MTUS1: variants seen among roughly 807,000 people sequenced by gnomAD.
The protein encoded by MTUS1 is microtubule-associated tumor suppressor 1.
A neutral mutation model predicts 120.8 loss-of-function variants in MTUS1; 109 were observed. The ratio of observed to expected loss-of-function variants is 0.90; its 90% CI spans 0.77 to 1.06. The LOEUF (loss-of-function observed/expected upper bound fraction) is 1.06. Ranked by LOEUF, MTUS1 falls within the 50% of genes least tolerant of loss-of-function variation. MTUS1 has a pLI of 0.00. For missense variants in MTUS1, 2,210 were observed against 1,486.3 expected, an observed-to-expected ratio of 1.49 and a Z score of -8.01; for synonymous variants, 737 against 550.5, an observed-to-expected ratio of 1.34 and a Z score of -4.74.
At chr8:17,792,563 CTA>C (rs2051882557) in intron 1 of MTUS1, among the ~76,000 whole-genome samples, 1 of 152,200 alleles carries the variant, frequency 6.6e-6, no homozygotes, top group South Asian at 2.1e-4. Context: ...ATCAAAAACA[CTA>C]TAAAGCAACA....
upstream of MTUS1, chr8:17,801,495 T>C (rs7017928): frequency 0.79 from 117,545 of 148,794 alleles, 46,185 homozygotes; most frequent in Non-Finnish European, 0.85. Flanking sequence ...GCGCTCCCGC[T>C]CTCCGCTCCC....
At position 17,650,808 on chromosome 8, in the gene MTUS1, G is replaced by C. The variant is rs144522375; in HGVS notation, c.3385-846C>G. Among the ~76,000 whole-genome samples, 341 of 152,294 alleles carry C rather than the reference G, an allele frequency of 2.2e-3. 1 individual carries two copies. The highest frequency in any genetic ancestry group is 7.8e-3 in the African/African-American group (323 of 41,562). On this transcript the variant is annotated intron_variant, in intron 12 of 14. Transcript: ENST00000693296. Reference sequence around the variant, plus strand: ...TCCCACCACCGCCCACCCACTCCTTGCTTTATTCGGAAATTCAACTAAACC... The same window carrying C: ...TCCCACCACCGCCCACCCACTCCTTCCTTTATTCGGAAATTCAACTAAACC...
At chr8:17,657,058 CAAAAAAAAA>C (rs1219286349) in intron 8 of MTUS1, among the ~76,000 whole-genome samples, 1 of 56,722 alleles carries the variant, frequency 1.8e-5, no homozygotes, top group Non-Finnish European at 3.6e-5. Flanking sequence ...GATTCTGTCT[CAAAAAAAAA>C]AAAAAAAAAA....
At chr8:17,774,971 T>TAAAAA (rs76567642) in intron 1 of MTUS1, among the ~76,000 whole-genome samples, 6 of 96,952 alleles carry the variant, frequency 6.2e-5, no homozygotes, top group South Asian at 4.0e-4. Context: ...ATATTATAAG[T>TAAAAA]AAAAAAAAAA....
intron 12 of MTUS1, 53 bp downstream of exon 12, chr8:17,653,133 A>C: frequency 9.6e-7 from 1 of 1,045,854 alleles, no homozygotes; most frequent in South Asian, 1.5e-5. Flanking sequence ...ATGACTCTAA[A>C]AGGCAACTGA....
chr8:17,676,095 C>T (rs547429894), intron 7 of MTUS1: 123 of 579,638 alleles, frequency 2.1e-4, no homozygotes, highest in African/African-American at 1.4e-3. Flanking sequence ...AATGCCCTCA[C>T]GAGGATCACC....
intron 1 of MTUS1, among the ~76,000 whole-genome samples, chr8:17,767,731 G>C (rs1270196392): frequency 2.6e-5 from 3 of 115,968 alleles, no homozygotes; most frequent in East Asian, 2.5e-4. Flanking sequence ...GTGTGAAAGA[G>C]ACTGAAGTGC....
intron 3 of MTUS1, among the ~76,000 whole-genome samples, chr8:17,727,058 C>A (rs2046272777): frequency 6.6e-6 from 1 of 152,172 alleles, no homozygotes; most frequent in South Asian, 2.1e-4. Context: ...AACCAAATAT[C>A]ATTTCCCTGA....
At chr8:17,704,287 TC>T (rs1819705934) in intron 6 of MTUS1, 1 of 152,240 alleles carries the variant, frequency 6.6e-6, no homozygotes, top group African/African-American at 2.4e-5. Context: ...AGATTTTTAA[TC>T]TGATGTACTC....
chr8:17,687,627 T>C (rs1447481589), intron 6 of MTUS1, among the ~76,000 whole-genome samples: 1 of 152,212 alleles, frequency 6.6e-6, no homozygotes, highest in Non-Finnish European at 1.5e-5. Flanking sequence ...CGTCAACTTC[T>C]ATATCGATTC....
rs1181404018 is a variant in MTUS1 at position 17,713,207 on chromosome 8, C to A, written c.2623+7G>T. ...TTTTTATCGCCATCCATAAAGTGGT[C>A]ACTCACCTGCATTAAGAGCTGTAAA... On this transcript the variant is annotated splice_region_variant and intron_variant, in intron 6 of 14. Coordinates refer to ENST00000693296, the MANE Select transcript of MTUS1 (RefSeq NM_001363059.2). The A allele has an allele frequency of 6.3e-7, 1 of 1,594,240 alleles. No individual in the cohort carries two copies. The highest frequency in any genetic ancestry group is 1.3e-5 in the African/African-American group (1 of 74,434).
chr8:17,778,799 ACT>A (rs1210603351), intron 1 of MTUS1, among the ~76,000 whole-genome samples: 1 of 151,922 alleles, frequency 6.6e-6, no homozygotes, highest in Non-Finnish European at 1.5e-5. Flanking sequence ...GCCGAGTAAG[ACT>A]CTATCTCCAA....
chr8:17,768,591 C>A (rs1348350092), intron 1 of MTUS1, among the ~76,000 whole-genome samples: 4 of 152,048 alleles, frequency 2.6e-5, no homozygotes, highest in African/African-American at 9.7e-5. Flanking sequence ...CCCTACCCAC[C>A]CTCAAAGCCA....
rs371000006 is a variant in MTUS1, at chr8:17,754,865, G to A, written c.943C>T (p.His315Tyr). 89 of 1,614,202 alleles carry A rather than the reference G, an allele frequency of 5.5e-5. No individual in the cohort carries two copies. In the African/African-American group the frequency reaches 1.0e-3, roughly 19 times the overall value. ...TGTGGTTCGCTATTGGATTCATCAT[G>A]GGATAAACAAAAGAACTCTTGTAAT... Reference protein sequence around the residue: ...SALQEFFCLSHDESNSEPHSQ... With the variant: ...SALQEFFCLSYDESNSEPHSQ... Residue 315 changes from histidine to tyrosine, a missense_variant, in exon 2 of 15, where the codon CAT (histidine) becomes TAT (tyrosine). His to Tyr is a moderately conservative substitution (Grantham distance 83). Coordinates refer to ENST00000693296, the MANE Select transcript of MTUS1 (RefSeq NM_001363059.2).
At chr8:17,720,074 G>T (rs1404179075) in intron 4 of MTUS1, among the ~76,000 whole-genome samples, 2 of 152,172 alleles carry the variant, frequency 1.3e-5, no homozygotes, top group East Asian at 3.9e-4. Flanking sequence ...ACCGGGCGTG[G>T]TGGCTCATGC....
At chr8:17,738,818 G>A (rs2047107421) in intron 3 of MTUS1, among the ~76,000 whole-genome samples, 1 of 151,940 alleles carries the variant, frequency 6.6e-6, no homozygotes, top group Admixed American at 6.6e-5. Flanking sequence ...CCATTCAGCT[G>A]GGCAACAAGA....
chr8:17,747,586 T>G (rs2047865657), intron 2 of MTUS1, among the ~76,000 whole-genome samples: 1 of 152,176 alleles, frequency 6.6e-6, no homozygotes, highest in Non-Finnish European at 1.5e-5. Context: ...GTTTGCCCAC[T>G]CTCTCCTAAT....
chr8:17,723,613 A>T, intron 4 of MTUS1, 59 bp downstream of exon 4: 1 of 1,515,562 alleles, frequency 6.6e-7, no homozygotes. Context: ...GCAGAGCATT[A>T]GTTTTTCTTG....
intron 8 of MTUS1, chr8:17,674,825 A>T: frequency 9.3e-7 from 1 of 1,069,846 alleles, no homozygotes; most frequent in Non-Finnish European, 1.1e-6. Flanking sequence ...GTTTATCAAG[A>T]GGGGAAACTT....
Sources: allele counts gnomAD v4.1 joint callset (sites outside exome capture counted in the v4.1 genomes callset), GRCh38; gene constraint gnomAD v4.1.1; transcripts MANE v1.5; gene names NCBI Gene and HGNC (gene_info 2026-07-23, HGNC 2026-07-21).